The following RAPGEFL1 variants were observed in gnomAD, a reference collection of about 807,000 sequenced individuals.
The protein encoded by RAPGEFL1 is rap guanine nucleotide exchange factor-like 1.
RAPGEFL1 carries 31 observed loss-of-function variants against 64.4 expected under a neutral mutation model. The ratio of observed to expected loss-of-function variants is 0.48; its 90% CI spans 0.36 to 0.65. The LOEUF (loss-of-function observed/expected upper bound fraction) is 0.65, where lower values mean the gene tolerates loss of function less well. RAPGEFL1 is among the 30% of genes least tolerant of loss of function. The pLI, the probability that RAPGEFL1 is intolerant of heterozygous loss-of-function variation, is 0.00. For synonymous variants in RAPGEFL1, 331 were observed against 274.1 expected, an observed-to-expected ratio of 1.21 and a Z score of -2.05; for missense variants, 682 against 677.4, an observed-to-expected ratio of 1.01 and a Z score of -0.08.
Position 40,190,705 on chromosome 17 carries a change from G to C in RAPGEFL1, c.1278G>C (p.Glu426Asp). 1.2e-6 allele frequency: 2 copies of C among 1,614,220 alleles called. No homozygotes were observed. Among genetic ancestry groups the C allele is most frequent in the East Asian group, 2.2e-5 (1 of 44,892 alleles). ...GDTEIHRVEP[E>D]DVANHLTAFH... ...CAGAGATCCACCGAGTGGAGCCTGA[G>C]GACGTTGCCAACCACCTAACTGCCT... The change falls in exon 8 of 15, where the codon GAG becomes GAC. Residue 426 changes from glutamate to aspartate, a missense_variant. By Grantham distance (45) the Glu-to-Asp change is conservative (BLOSUM62 2). This residue lies in a region of RAPGEFL1 where 411 missense variants were observed against 519.4 expected (regional missense o/e 0.79). Coordinates refer to ENST00000620260, the MANE Select transcript of RAPGEFL1 (RefSeq NM_016339.6).
In RAPGEFL1 at chr17:40,178,056, C is replaced by A; in HGVS notation, c.195C>A (p.Pro65=). 1 of 601,646 alleles carries A rather than the reference C, an allele frequency of 1.7e-6. No individual in the cohort carries two copies. 37.3% of individuals were successfully genotyped at this position (601,646 alleles called of 1,614,324 possible). A position where few individuals can be genotyped will look rare whatever the true frequency, so the allele number is the denominator to read the frequency against. The change falls in exon 1 of 15, where the codon CCC becomes CCA. Residue 65 remains proline, a synonymous_variant. Transcript: ENST00000620260. The part of the protein sequence containing the change: ...RRQSVSRLLL[P]AFLREPPAEP... ...AGAGCGTGTCTCGCCTGCTGCTCCC[C>A]GCTTTCCTCCGGGAGCCCCCCGCCG...
chr17:40,187,851 G>C (rs945278589), intron 4 of RAPGEFL1, among the ~76,000 whole-genome samples: 3 of 150,206 alleles, frequency 2.0e-5, no homozygotes, highest in Non-Finnish European at 4.4e-5. Flanking sequence ...CTGACCTCGT[G>C]ATCCGCCCGC....
chr17:40,193,796 G>A lies in RAPGEFL1; in HGVS notation c.*8G>A. 2 of 1,613,914 alleles carry A rather than the reference G, an allele frequency of 1.2e-6. No individual in the cohort carries two copies. Among genetic ancestry groups the A allele is most frequent in the Middle Eastern group, 1.6e-4 (1 of 6,062 alleles). On this transcript the variant is annotated 3_prime_UTR_variant, in exon 15 of 15. Transcript: ENST00000620260. ...GAGGCAAACAGTCAGTGAGAGTGGA[G>A]GCTCCAGTCAGACCCGCCAGATCCT...
At chr17:40,184,497 TA>T in intron 3 of RAPGEFL1, 83 bp from the exon 4 acceptor site, 1 of 1,123,754 alleles carries the variant, frequency 8.9e-7, no homozygotes, top group Non-Finnish European at 1.3e-6. Context: ...TGCTTAAAGG[TA>T]TGGAGACCTT....
At chr17:40,189,773 G>C (rs1990197441) in intron 6 of RAPGEFL1, among the ~76,000 whole-genome samples, 1 of 152,120 alleles carries the variant, frequency 6.6e-6, no homozygotes, top group East Asian at 1.9e-4. Context: ...GGACCCCCCA[G>C]GGGACTCCTA....
In RAPGEFL1 at chr17:40,177,566, CG is replaced by C. The variant is rs1476412600; in HGVS notation, c.-295del. 6.8e-6 allele frequency: 3 copies of C among 440,674 alleles called. No homozygotes were observed. Among genetic ancestry groups the C allele is most frequent in the Non-Finnish European group, 1.2e-5 (3 of 254,652 alleles). 27.3% of individuals were successfully genotyped at this position (440,674 alleles called of 1,614,324 possible). ...CCGCCCGCTGCCTCTGCCGCCGCAG[CG>C]CAGAGCCGGGCGCACCGGCCCCGCA... On this transcript the variant is annotated 5_prime_UTR_variant, in exon 1 of 15. Coordinates refer to ENST00000620260, the MANE Select transcript of RAPGEFL1 (RefSeq NM_016339.6).
At chr17:40,184,881 G>A (rs1484964747) in intron 4 of RAPGEFL1, among the ~76,000 whole-genome samples, 1 of 152,210 alleles carries the variant, frequency 6.6e-6, no homozygotes, top group Non-Finnish European at 1.5e-5. Flanking sequence ...TTGGGTTGAA[G>A]TGATTCTCAT....
chr17:40,193,789 G>C lies in RAPGEFL1; in HGVS notation c.*1G>C, dbSNP rs778946092. Reference sequence around the variant, plus strand: ...CAAGCTGGAGGCAAACAGTCAGTGAGAGTGGAGGCTCCAGTCAGACCCGCC... The same window carrying C: ...CAAGCTGGAGGCAAACAGTCAGTGACAGTGGAGGCTCCAGTCAGACCCGCC... On this transcript the variant is annotated 3_prime_UTR_variant, in exon 15 of 15. Coordinates refer to ENST00000620260, the MANE Select transcript of RAPGEFL1 (RefSeq NM_016339.6). 2 of 1,614,006 alleles carry C rather than the reference G, an allele frequency of 1.2e-6. No homozygotes were observed. Among genetic ancestry groups the C allele is most frequent in the Non-Finnish European group, 1.7e-6 (2 of 1,179,984 alleles).
chr17:40,193,966 TC>T lies in RAPGEFL1; in HGVS notation c.*182del. ...GTCTGTTCATCCTGCTGAAGTCCCC[TC>T]CCCATTGCTCCTTCAAGCCAAAACT... On this transcript the variant is annotated 3_prime_UTR_variant, in exon 15 of 15. Coordinates refer to ENST00000620260, the MANE Select transcript of RAPGEFL1 (RefSeq NM_016339.6). 1 of 776,066 alleles carries T rather than the reference TC, an allele frequency of 1.3e-6. No individual in the cohort carries two copies. The highest frequency in any genetic ancestry group is 2.0e-6 in the Non-Finnish European group (1 of 504,074). The allele number at this position is 776,066 out of a possible 1,614,324, so 48.1% of individuals were successfully genotyped here. A position where few individuals can be genotyped will look rare whatever the true frequency, so the allele number is the denominator to read the frequency against.
rs1442980538 is a variant in RAPGEFL1, at chr17:40,184,286, C to T, written c.672C>T (p.Leu224=). The T allele has an allele frequency of 1.7e-5, 27 of 1,613,902 alleles. No individual in the cohort carries two copies. Among genetic ancestry groups the T allele is most frequent in the East Asian group, 2.2e-5 (1 of 44,866 alleles). ...AGCAAGCCTGTCTAGCCATGCTTCT[C>T]CATTTCTTGGACACCTACCAGGGGC... ...GRKQACLAML[L]HFLDTYQGLL... Residue 224 remains leucine (L), a synonymous_variant, in exon 3 of 15, where the codon CTC becomes CTT. Coordinates refer to ENST00000620260, the MANE Select transcript of RAPGEFL1 (RefSeq NM_016339.6).
intron 13 of RAPGEFL1, 139 bp from the exon 14 acceptor site, chr17:40,193,224 C>A: frequency 1.9e-6 from 2 of 1,039,342 alleles, no homozygotes; most frequent in Non-Finnish European, 3.0e-6. Context: ...GTTACACCCA[C>A]TCCTTTGGTC....
chr17:40,181,757 T>C, intron 2 of RAPGEFL1, 63 bp downstream of exon 2: 1 of 695,512 alleles, frequency 1.4e-6, no homozygotes. Flanking sequence ...CCGTCCCACA[T>C]GCAATCTCAG....
chr17:40,184,546 C>A (rs762763361), intron 3 of RAPGEFL1, 35 bp from the exon 4 acceptor site: 1 of 1,349,142 alleles, frequency 7.4e-7, no homozygotes, highest in Non-Finnish European at 1.0e-6. Flanking sequence ...GGAATGAGAC[C>A]CCTTCCTTCA....
intron 4 of RAPGEFL1, among the ~76,000 whole-genome samples, chr17:40,186,272 C>CAA (rs1402480728): frequency 1.9e-4 from 9 of 46,760 alleles, no homozygotes; most frequent in African/African-American, 6.9e-4. Context: ...GACTCCGTCT[C>CAA]AAAAAAAAAA....
At position 40,184,274 on chromosome 17, in the gene RAPGEFL1, A is replaced by G; in HGVS notation, c.660A>G (p.Leu220=). The G allele has an allele frequency of 1.9e-6, 3 of 1,613,850 alleles. No individual in the cohort carries two copies. The highest frequency in any genetic ancestry group is 2.5e-6 in the Non-Finnish European group (3 of 1,179,920). Residue 220 remains leucine, a synonymous_variant, in exon 3 of 15, where the codon CTA becomes CTG. Coordinates refer to ENST00000620260, the MANE Select transcript of RAPGEFL1 (RefSeq NM_016339.6). ...PEGLGRKQAC[L]AMLLHFLDTY... ...GGCTGGGCCGGAAGCAAGCCTGTCT[A>G]GCCATGCTTCTCCATTTCTTGGACA...
chr17:40,177,654 G>GCACT lies in RAPGEFL1; in HGVS notation c.-206_-203dup, dbSNP rs1989752269. ...CGGCATGGGGGGTTGCTGAGAGCGA[G>GCACT]CACTCCTTTCCTCTGGCACCTCCCC... On this transcript the variant is annotated 5_prime_UTR_variant, in exon 1 of 15. Transcript: ENST00000620260. 2 of 411,958 alleles carry GCACT rather than the reference G, an allele frequency of 4.9e-6. No homozygotes were observed. Among genetic ancestry groups the GCACT allele is most frequent in the South Asian group, 2.1e-4 (2 of 9,682 alleles). The allele number at this position is 411,958 out of a possible 1,614,324, so 25.5% of individuals were successfully genotyped here.
At chr17:40,193,293 GGAGGGGGAGCATAA>G (rs1169176807) in intron 13 of RAPGEFL1, 56 bp from the exon 14 acceptor site, 1 of 1,504,934 alleles carries the variant, frequency 6.6e-7, no homozygotes, top group African/African-American at 1.4e-5. Flanking sequence ...GGAGAATGGC[GGAGGGGGAGCATAA>G]GAGGGGGAGC....
chr17:40,184,906 A>C (rs1221366469), intron 4 of RAPGEFL1, among the ~76,000 whole-genome samples: 6 of 152,078 alleles, frequency 3.9e-5, no homozygotes. Flanking sequence ...CAGCCTCCTG[A>C]GTAGCTGGGA....
rs775790137 is a variant in RAPGEFL1 at position 40,190,521 on chromosome 17, A to C, written c.1202A>C (p.Tyr401Ser). 6.2e-7 allele frequency: 1 copy of C among 1,614,180 alleles called. No individual in the cohort carries two copies. Among genetic ancestry groups the C allele is most frequent in the African/African-American group, 1.3e-5 (1 of 75,050 alleles). Reference sequence around the variant, plus strand: ...CTGTTTGCCTGTACTCGGGACAGCTATGAGGCTCTGGTAAGAACTTCCCAA... The same window carrying C: ...CTGTTTGCCTGTACTCGGGACAGCTCTGAGGCTCTGGTAAGAACTTCCCAA... ...SHLFACTRDS[Y>S]EALVPLPEEI... Residue 401 changes from tyrosine (Y) to serine (S), a missense_variant, in exon 7 of 15, where the codon TAT (tyrosine) becomes TCT (serine). Physicochemically the swap from Tyr to Ser is moderately radical, Grantham distance 144. Around this residue, in one of 2 missense-constraint regions of RAPGEFL1, gnomAD observed 411 missense variants for 519.4 expected, o/e 0.79. Transcript: ENST00000620260.
Sources: gnomAD v4.1 joint callset for allele counts (sites outside exome capture counted in the v4.1 genomes callset) on GRCh38, gnomAD v4.1.1 for gene constraint, gnomAD v4.1.1 regional missense constraint, MANE v1.5 for transcripts, NCBI Gene and HGNC (gene_info 2026-07-23, HGNC 2026-07-21) for gene names.